Variants in WDR47 observed in about 807,000 individuals in gnomAD.
The protein encoded by WDR47 is WD repeat-containing protein 47.
Under a neutral mutation model 97.2 loss-of-function variants are expected in WDR47, and 32 were observed. That is an observed-to-expected ratio of 0.33 (90% confidence interval 0.25 to 0.44). WDR47 has a LOEUF of 0.44. Ranked by LOEUF, WDR47 falls within the 20% of genes least tolerant of loss-of-function variation. WDR47 has a pLI of 1.00. For synonymous variants in WDR47, 375 were observed against 373.5 expected (o/e 1.00, Z -0.05); for missense variants, 782 against 1,102.3 (o/e 0.71, Z 4.11).
rs1407189940 is a variant in WDR47, at chr1:108,993,184, G to T, written c.1692-1855C>A. 2.0e-5 allele frequency among the ~76,000 whole-genome samples: 3 copies of T among 152,212 alleles called. 1 individual carries two copies. The highest frequency in any genetic ancestry group is 2.1e-4 in the South Asian group (1 of 4,824). On this transcript the variant is annotated intron_variant, in intron 8 of 14. Transcript: ENST00000369962. The stretch of plus-strand genomic sequence containing the variant: ...TACTAAAAATACAAAAATTAGTTGG[G>T]TGTGGTGGTATGTACCTGTAGTCCC...
chr1:108,976,443 G>T (rs549174949), intron 13 of WDR47, among the ~76,000 whole-genome samples: 1 of 150,910 alleles, frequency 6.6e-6, no homozygotes, highest in South Asian at 2.1e-4. Flanking sequence ...AGTTTTACAC[G>T]TACAAAGTTT....
At chr1:108,976,160 G>T (rs1657873364) in intron 13 of WDR47, among the ~76,000 whole-genome samples, 1 of 152,108 alleles carries the variant, frequency 6.6e-6, no homozygotes, top group Non-Finnish European at 1.5e-5. Flanking sequence ...GTGAAAATGT[G>T]TATCAAATTA....
chr1:109,036,306 G>A (rs1662936047), intron 1 of WDR47, among the ~76,000 whole-genome samples: 1 of 152,066 alleles, frequency 6.6e-6, no homozygotes, highest in Non-Finnish European at 1.5e-5. Flanking sequence ...AGGCGCGGTG[G>A]CTCACATCTG....
At chr1:108,975,080 G>A (rs112705506) in intron 13 of WDR47, among the ~76,000 whole-genome samples, 1 of 143,056 alleles carries the variant, frequency 7.0e-6, no homozygotes, top group African/African-American at 2.6e-5. Flanking sequence ...ACTACTGGAA[G>A]TATCTAGAAA....
At chr1:109,033,565 A>AC (rs1400068206) in intron 1 of WDR47, among the ~76,000 whole-genome samples, 2 of 152,162 alleles carry the variant, frequency 1.3e-5, no homozygotes, top group Admixed American at 1.3e-4. Flanking sequence ...AAAAAAGAAG[A>AC]CCCGATAATA....
chr1:109,000,694 C>T (rs928506448), intron 7 of WDR47, among the ~76,000 whole-genome samples: 4 of 151,242 alleles, frequency 2.6e-5, no homozygotes, highest in Admixed American at 2.0e-4. Flanking sequence ...AAAGAACAAA[C>T]AAACAAAAAA....
chr1:109,030,610 T>TGCAGAAAAGG (rs1571256184), intron 1 of WDR47, among the ~76,000 whole-genome samples: 2,490 of 143,872 alleles, frequency 0.017, 326 homozygotes, highest in Admixed American at 0.022. Context: ...CTCTTTAATC[T>TGCAGAAAAGG]TCCAAGTATT....
At chr1:109,024,681 G>A (rs1276703302) in intron 1 of WDR47, among the ~76,000 whole-genome samples, 1 of 152,152 alleles carries the variant, frequency 6.6e-6, no homozygotes, top group African/African-American at 2.4e-5. Flanking sequence ...GGCCTAAACT[G>A]TTACAGTTTT....
At chr1:109,015,363 G>A (rs111361459) in intron 3 of WDR47, among the ~76,000 whole-genome samples, 2,992 of 152,058 alleles carry the variant, frequency 0.02, 56 homozygotes, top group Admixed American at 0.048. Context: ...CTGCTCTGTC[G>A]CCCAGGCTGG....
chr1:109,001,923 A>G (rs113416747), intron 7 of WDR47, among the ~76,000 whole-genome samples: 3 of 151,878 alleles, frequency 2.0e-5, no homozygotes, highest in African/African-American at 7.2e-5. Flanking sequence ...AAAGAGATAA[A>G]AAGAACTAGA....
chr1:109,019,340 G>A (rs1030349149), intron 2 of WDR47, among the ~76,000 whole-genome samples: 2 of 141,136 alleles, frequency 1.4e-5, no homozygotes, highest in Non-Finnish European at 3.0e-5. Context: ...CCGAAGTCAC[G>A]CCACTGCAGT....
chr1:109,037,435 G>C (rs944948041), intron 1 of WDR47, among the ~76,000 whole-genome samples: 1 of 151,602 alleles, frequency 6.6e-6, no homozygotes, highest in African/African-American at 2.4e-5. Flanking sequence ...TCAGGAGATC[G>C]AGACCACAGT....
intron 7 of WDR47, 88 bp from the exon 8 acceptor site, chr1:108,995,925 A>C (rs2101879644): frequency 7.7e-7 from 1 of 1,295,472 alleles, no homozygotes; most frequent in East Asian, 2.5e-5. Flanking sequence ...AAAAGGTAAA[A>C]ATATGCACAT....
chr1:109,030,322 G>T, intron 1 of WDR47: 2 of 987,966 alleles, frequency 2.0e-6, no homozygotes, highest in South Asian at 3.4e-5. Context: ...AGCACTAAAA[G>T]CACTCTGAAT....
chr1:108,988,579 C>T (rs190720557), intron 9 of WDR47, among the ~76,000 whole-genome samples: 2 of 151,498 alleles, frequency 1.3e-5, no homozygotes, highest in East Asian at 2.0e-4. Context: ...CTACTCAGGG[C>T]GCTGGGGTGG....
At position 109,022,618 on chromosome 1, in the gene WDR47, T is replaced by C. The variant is rs1044647920; in HGVS notation, c.158+737A>G. Among the ~76,000 whole-genome samples, 7 of 152,294 alleles carry C rather than the reference T, an allele frequency of 4.6e-5. No homozygotes were observed. The South Asian group carries it at 1.2e-3, about 27-fold the overall frequency. On this transcript the variant is annotated intron_variant, in intron 2 of 14. Coordinates refer to ENST00000369962, the MANE Select transcript of WDR47 (RefSeq NM_001142551.2). Reference sequence around the variant, plus strand: ...TTGTATTTTTGAGACGGAGTCTCACTCTGCTGCCCAGGCTGGAGTGCAACG... The same window carrying C: ...TTGTATTTTTGAGACGGAGTCTCACCCTGCTGCCCAGGCTGGAGTGCAACG...
chr1:109,000,307 G>A (rs911426209), intron 7 of WDR47, among the ~76,000 whole-genome samples: 13 of 150,642 alleles, frequency 8.6e-5, no homozygotes, highest in Non-Finnish European at 1.3e-4. Context: ...TCAGGAGATC[G>A]AGACCAGCCT....
At chr1:108,981,906 T>A in intron 12 of WDR47, 42 bp from the exon 13 acceptor site, 1 of 1,591,864 alleles carries the variant, frequency 6.3e-7, no homozygotes, top group South Asian at 1.1e-5. Context: ...TGGGAGAGTA[T>A]CTTTCCATAA....
At chr1:108,998,078 G>C (rs912604724) in intron 7 of WDR47, among the ~76,000 whole-genome samples, 1 of 152,068 alleles carries the variant, frequency 6.6e-6, no homozygotes, top group African/African-American at 2.4e-5. Context: ...TAATTAAGTA[G>C]CATTTCTCAA....
Sources: gnomAD v4.1 joint callset for allele counts (sites outside exome capture counted in the v4.1 genomes callset) on GRCh38, gnomAD v4.1.1 for gene constraint, MANE v1.5 for transcripts, NCBI Gene and HGNC (gene_info 2026-07-23, HGNC 2026-07-21) for gene names.